The following ASTN2 variants were observed in gnomAD, a reference collection of about 807,000 sequenced individuals.
The protein encoded by ASTN2 is astrotactin 2.
A neutral mutation model predicts 139.8 loss-of-function variants in ASTN2; 54 were observed. That is an observed-to-expected ratio of 0.39 (90% CI 0.31 to 0.48). The LOEUF (loss-of-function observed/expected upper bound fraction) is 0.48, where lower values mean the gene tolerates loss of function less well. ASTN2 is among the 20% of genes least tolerant of loss of function. The pLI is 0.95. For missense variants in ASTN2, 1,565 were observed against 1,725.1 expected, an observed-to-expected ratio of 0.91 and a Z score of 1.64; for synonymous variants, 756 against 719.5, an observed-to-expected ratio of 1.05 and a Z score of -0.81.
intron 5 of ASTN2, among the ~76,000 whole-genome samples, chr9:117,051,529 CAACTATAACCAGCTG>C (rs1279369155): frequency 2.0e-5 from 3 of 152,168 alleles, no homozygotes. Flanking sequence ...TCTATTCCTA[CAACTATAACCAGCTG>C]AACATATTCC....
chr9:117,321,933 G>C (rs1828336300), intron 1 of ASTN2, among the ~76,000 whole-genome samples: 1 of 152,112 alleles, frequency 6.6e-6, no homozygotes. Flanking sequence ...ACCTCCTGTT[G>C]AGAACTACTG....
rs192967214 is a variant in ASTN2 at position 117,122,865 on chromosome 9, C to T, written c.1168+18461G>A. ...CCATGCGAAACATGTCCCAATTCCC[C>T]GGAGCCTGCTTACAAAGCTTTTAAC... On this transcript the variant is annotated intron_variant, in intron 4 of 22. Coordinates refer to ENST00000313400, the MANE Select transcript of ASTN2 (RefSeq NM_001365068.1). 6.6e-5 allele frequency among the ~76,000 whole-genome samples: 10 copies of T among 152,214 alleles called. 1 individual carries two copies. The highest frequency in any genetic ancestry group is 2.1e-4 in the South Asian group (1 of 4,818).
intron 6 of ASTN2, among the ~76,000 whole-genome samples, chr9:117,032,913 C>T (rs982649973): frequency 1.2e-4 from 19 of 152,076 alleles, no homozygotes; most frequent in African/African-American, 4.3e-4. Flanking sequence ...CTTAGTTCAA[C>T]CTAAAAGATG....
rs918794664 is a variant in ASTN2 at position 117,375,288 on chromosome 9, A to G, written c.442+39209T>C. Among the ~76,000 whole-genome samples, 30 of 152,198 alleles carry G rather than the reference A, an allele frequency of 2.0e-4. 3 individuals are homozygous for G. Among genetic ancestry groups the G allele is most frequent in the Admixed American group, 1.4e-3 (22 of 15,270 alleles). On this transcript the variant is annotated intron_variant, in intron 1 of 22. Coordinates refer to ENST00000313400, the MANE Select transcript of ASTN2 (RefSeq NM_001365068.1). ...TGTTTGGAAGGTCATCATCCTTCAC[A>G]AAAGTTCAAGTTTATTCTCCAAGGG...
At position 116,922,716 on chromosome 9, in the gene ASTN2, G is replaced by C. The variant is rs143587042; in HGVS notation, c.1889+52492C>G. Among the ~76,000 whole-genome samples the C allele has an allele frequency of 2.7e-3, 407 of 152,238 alleles. 1 individual carries two copies. Among genetic ancestry groups the C allele is most frequent in the Middle Eastern group, 0.014 (4 of 294 alleles). On this transcript the variant is annotated intron_variant, in intron 10 of 22. Coordinates refer to ENST00000313400, the MANE Select transcript of ASTN2 (RefSeq NM_001365068.1). ...ACATCTTTAAAACTTCGTATTAGTA[G>C]AAAAAGCAAGTTTCACAAAAACATT...
chr9:116,604,225 A>C (rs1387903242), intron 19 of ASTN2, among the ~76,000 whole-genome samples: 1 of 152,150 alleles, frequency 6.6e-6, no homozygotes, highest in Non-Finnish European at 1.5e-5. Flanking sequence ...GTGCTTTGTG[A>C]GCTATAAAGA....
intron 5 of ASTN2, among the ~76,000 whole-genome samples, chr9:117,088,565 C>A (rs750542123): frequency 6.6e-6 from 1 of 152,150 alleles, no homozygotes; most frequent in Non-Finnish European, 1.5e-5. Context: ...CATCCACATA[C>A]CTTAGTACGA....
At chr9:116,815,397 G>A (rs1248101541) in intron 12 of ASTN2, among the ~76,000 whole-genome samples, 1 of 152,100 alleles carries the variant, frequency 6.6e-6, no homozygotes, top group African/African-American at 2.4e-5. Flanking sequence ...AAGCAAGAAG[G>A]TTGGGATATC....
chr9:116,990,372 T>G (rs1269077559), intron 7 of ASTN2, among the ~76,000 whole-genome samples: 1 of 29,214 alleles, frequency 3.4e-5, no homozygotes, highest in Non-Finnish European at 3.9e-4. Flanking sequence ...GTTCAAGCGA[T>G]TCTCCTGCCT....
intron 5 of ASTN2, among the ~76,000 whole-genome samples, chr9:117,077,725 G>A (rs1195153441): frequency 6.6e-6 from 1 of 152,136 alleles, no homozygotes. Context: ...TCCAGCCTGG[G>A]TGACAGAGCA....
At chr9:116,530,119 AT>A (rs1851267127) in intron 19 of ASTN2, among the ~76,000 whole-genome samples, 2 of 33,454 alleles carry the variant, frequency 6.0e-5, no homozygotes, top group African/African-American at 2.2e-4. Flanking sequence ...ATATATATAT[AT>A]ATATATATAT....
At position 117,039,890 on chromosome 9, in the gene ASTN2, C is replaced by T. The variant is rs1176358901; in HGVS notation, c.1352G>A (p.Cys451Tyr). ...GAGTGGACAAGACATCTGGCTGCCA[C>T]ACACCATGGCCAGGATGCAGGAACT... The part of the protein sequence containing the change: ...AVSSCILAMV[C>Y]GSQMSCPLTV... Residue 451 changes from cysteine to tyrosine, a missense_variant, in exon 6 of 23, where the codon TGT (cysteine) becomes TAT (tyrosine). Physicochemically the swap from Cys to Tyr is radical, Grantham distance 194. This residue lies in a region of ASTN2 where 503 missense variants were observed against 591.7 expected (regional missense o/e 0.85). Transcript: ENST00000313400. 1.2e-6 allele frequency: 2 copies of T among 1,613,864 alleles called. No homozygotes were observed. The highest frequency in any genetic ancestry group is 1.7e-6 in the Non-Finnish European group (2 of 1,179,882).
At chr9:116,641,309 G>A (rs1284815595) in intron 17 of ASTN2, among the ~76,000 whole-genome samples, 1 of 152,182 alleles carries the variant, frequency 6.6e-6, no homozygotes, top group Non-Finnish European at 1.5e-5. Context: ...TTTAAAATTT[G>A]AAGAAGAGAA....
intron 16 of ASTN2, among the ~76,000 whole-genome samples, chr9:116,677,631 G>A (rs11515491): frequency 2.0e-5 from 3 of 152,156 alleles, no homozygotes; most frequent in Non-Finnish European, 4.4e-5. Context: ...ACTCCCAAGA[G>A]AGATGGGCTG....
intron 13 of ASTN2, among the ~76,000 whole-genome samples, chr9:116,802,325 A>G (rs1242325967): frequency 6.6e-6 from 1 of 151,884 alleles, no homozygotes; most frequent in Non-Finnish European, 1.5e-5. Context: ...TGACCTCATG[A>G]TCTGCCCGCC....
At chr9:117,085,170 G>A (rs547794014) in intron 5 of ASTN2, among the ~76,000 whole-genome samples, 3 of 152,098 alleles carry the variant, frequency 2.0e-5, no homozygotes, top group Admixed American at 1.3e-4. Flanking sequence ...TGCCCTCCAT[G>A]CCCCCCACAA....
At chr9:116,849,459 T>G (rs1564303570) in intron 11 of ASTN2, among the ~76,000 whole-genome samples, 3 of 152,164 alleles carry the variant, frequency 2.0e-5, no homozygotes, top group Admixed American at 6.5e-5. Flanking sequence ...AACAAGAATT[T>G]TAGAAGTTAT....
chr9:116,790,761 G>C (rs1402131445), intron 13 of ASTN2, among the ~76,000 whole-genome samples: 3 of 146,674 alleles, frequency 2.0e-5, no homozygotes, highest in African/African-American at 7.6e-5. Context: ...CTGCACCTCT[G>C]CCTCCCAGGT....
At chr9:116,999,600 C>G (rs1837134883) in intron 7 of ASTN2, among the ~76,000 whole-genome samples, 1 of 128,406 alleles carries the variant, frequency 7.8e-6, no homozygotes, top group Non-Finnish European at 1.6e-5. Context: ...CACTCTGTCA[C>G]CCAGGCTGGA....
Sources: gnomAD v4.1 joint callset for allele counts (sites outside exome capture counted in the v4.1 genomes callset) on GRCh38, gnomAD v4.1.1 for gene constraint, gnomAD v4.1.1 regional missense constraint, MANE v1.5 for transcripts, NCBI Gene and HGNC (gene_info 2026-07-23, HGNC 2026-07-21) for gene names.